DMD: variants seen among roughly 807,000 people sequenced by gnomAD.
DMD encodes dystrophin.
Under a neutral mutation model 330.1 loss-of-function variants are expected in DMD, and 63 were observed. That is an observed-to-expected ratio of 0.19 (90% CI 0.16 to 0.24). DMD has a LOEUF of 0.24. Ranked by LOEUF, DMD falls within the 10% of genes least tolerant of loss-of-function variation. The probability of loss-of-function intolerance (pLI) is 1.00; values close to 1 mark genes in which losing one functional copy is unlikely to be tolerated. For missense variants in DMD, 3,344 were observed against 2,684.1 expected (o/e 1.25, Z -5.43); for synonymous variants, 1,223 against 959.8 (o/e 1.27, Z -5.07).
At chrX:31,181,624 T>C (rs1031494804) in intron 68 of DMD, among the ~76,000 whole-genome samples, 3 of 112,086 alleles carry the variant, frequency 2.7e-5, no homozygotes, top group Non-Finnish European at 3.8e-5. Flanking sequence ...CTACTCACTG[T>C]TGTCTATCTA....
chrX:32,287,068 A>C lies in DMD; in HGVS notation c.6290+461T>G, dbSNP rs759319759. ...TTAACAAATTCCCCATGGCAAAAAAAAATGTGGGGGAGGGTAATGCAAAGT... is the reference window on the plus strand; with the variant it reads ...TTAACAAATTCCCCATGGCAAAAAACAATGTGGGGGAGGGTAATGCAAAGT... On this transcript the variant is annotated intron_variant, in intron 43 of 78. Coordinates refer to ENST00000357033, the MANE Select transcript of DMD (RefSeq NM_004006.3). Among the ~76,000 whole-genome samples, 12 of 111,439 alleles carry C rather than the reference A, an allele frequency of 1.1e-4. No homozygotes were observed. In the South Asian group the frequency reaches 1.1e-3, roughly 11 times the overall value.
At chrX:31,483,328 G>A (rs1439226196) in intron 57 of DMD, among the ~76,000 whole-genome samples, 2 of 111,315 alleles carry the variant, frequency 1.8e-5, no homozygotes, top group Non-Finnish European at 3.8e-5. Context: ...TTACAGGCGT[G>A]AGCCACCACG....
chrX:32,543,942 TC>T (rs2048727923), intron 17 of DMD, among the ~76,000 whole-genome samples: 1 of 112,507 alleles, frequency 8.9e-6, no homozygotes, highest in Admixed American at 9.4e-5. Context: ...TTGGCTGTGT[TC>T]CACTAAAACA....
At chrX:32,765,191 T>TC (rs202000517) in intron 7 of DMD, among the ~76,000 whole-genome samples, 6,845 of 110,692 alleles carry the variant, frequency 0.062, 549 homozygotes, top group African/African-American at 0.21. Flanking sequence ...GTGTCCCCAC[T>TC]CAAATCTCAT....
intron 44 of DMD, among the ~76,000 whole-genome samples, chrX:32,132,781 C>G (rs946851530): frequency 3.6e-5 from 4 of 110,452 alleles, no homozygotes; most frequent in Non-Finnish European, 7.5e-5. Flanking sequence ...CATTATACCA[C>G]TGAATTATTC....
intron 18 of DMD, among the ~76,000 whole-genome samples, chrX:32,503,714 C>T (rs1340379337): frequency 5.4e-5 from 6 of 110,198 alleles, no homozygotes; most frequent in African/African-American, 2.0e-4. Context: ...CACCACCACG[C>T]CCAGCTAATT....
chrX:32,370,219 G>GT lies in DMD; in HGVS notation c.4846-5021dup, dbSNP rs138937492. Reference sequence around the variant, plus strand: ...TAAGGTTTACCTTGAAAGTGGTAGTGTTTTTTTTTTTTTTTTTAAATTCTC... The same window carrying GT: ...TAAGGTTTACCTTGAAAGTGGTAGTGTTTTTTTTTTTTTTTTTTAAATTCTC... On this transcript the variant is annotated intron_variant, in intron 34 of 78. Transcript: ENST00000357033. Among the ~76,000 whole-genome samples, 858 of 95,406 alleles carry GT rather than the reference G, an allele frequency of 9.0e-3. 6 individuals are homozygous for GT. The highest frequency in any genetic ancestry group is 0.013 in the Non-Finnish European group (620 of 47,588). The allele number at this position is 95,406 out of a possible 115,157, so 82.8% of individuals were successfully genotyped here. A position where few individuals can be genotyped will look rare whatever the true frequency, so the allele number is the denominator to read the frequency against.
intron 18 of DMD, among the ~76,000 whole-genome samples, chrX:32,511,210 AC>A (rs1289464598): frequency 9.0e-6 from 1 of 110,669 alleles, no homozygotes; most frequent in Non-Finnish European, 1.9e-5. Context: ...TCACTACTGT[AC>A]AAAAAGTTAT....
intron 16 of DMD, among the ~76,000 whole-genome samples, chrX:32,549,451 T>C (rs1293534700): frequency 9.0e-6 from 1 of 111,392 alleles, no homozygotes; most frequent in African/African-American, 3.3e-5. Context: ...CAGGAAGCCC[T>C]TGTTTTCAGT....
chrX:33,253,059 A>T lies in DMD; in HGVS notation c.7+86200T>A, dbSNP rs373187298. 8.1e-5 allele frequency among the ~76,000 whole-genome samples: 9 copies of T among 111,629 alleles called. No individual in the cohort carries two copies. In the East Asian group the frequency reaches 2.2e-3, roughly 28 times the overall value. On this transcript the variant is annotated intron_variant, in intron 1 of 17. Coordinates refer to the DMD transcript ENST00000288447. ...CAAAGTAAAACTAAAAATATCGAAC[A>T]TCAAGAGAGTATCCATCTCCTAAGG...
intron 52 of DMD, among the ~76,000 whole-genome samples, chrX:31,695,953 T>C (rs1343370133): frequency 9.0e-6 from 1 of 111,424 alleles, no homozygotes; most frequent in Non-Finnish European, 1.9e-5. Flanking sequence ...AAATGAGAAG[T>C]ATTTGAGGTG....
At chrX:32,561,664 T>C (rs768601367) in intron 16 of DMD, among the ~76,000 whole-genome samples, 1 of 111,222 alleles carries the variant, frequency 9.0e-6, no homozygotes, top group East Asian at 2.9e-4. Context: ...AGATACTCAC[T>C]GAGCAGAAGC....
rs752922996 is a variant in DMD at position 31,126,691 on chromosome X, G to C, written c.11015-18C>G. The C allele has an allele frequency of 4.3e-6, 5 of 1,157,428 alleles. No individual in the cohort carries two copies. The highest frequency in any genetic ancestry group is 5.9e-6 in the Non-Finnish European group (5 of 849,059). Reference sequence around the variant, plus strand: ...ATTTCTTCCTTTAATAATAGAGAGAGGAAGAGGCAGAGATATCAGAAAGGG... The same window carrying C: ...ATTTCTTCCTTTAATAATAGAGAGACGAAGAGGCAGAGATATCAGAAAGGG... On this transcript the variant is annotated intron_variant, in intron 77 of 78. Transcript: ENST00000357033.
In DMD at chrX:32,699,286, A is replaced by T. The variant is rs771312947; in HGVS notation, c.657T>A (p.Asp219Glu). 59 of 1,201,407 alleles carry T rather than the reference A, an allele frequency of 4.9e-5. No homozygotes were observed. The East Asian group carries it at 1.8e-3, about 36-fold the overall frequency. ...TGGACTTCTTATCTGGATAGGTGGTATCAACATCTGTAAGCACATTAACAC... is the reference window on the plus strand; with the variant it reads ...TGGACTTCTTATCTGGATAGGTGGTTTCAACATCTGTAAGCACATTAACAC... ...IEKLLDPEDV[D>E]TTYPDKKSIL... The change falls in exon 8 of 79, where the codon GAT becomes GAA. Residue 219 changes from aspartate (D) to glutamate (E), a missense_variant. Asp to Glu is a conservative substitution (Grantham distance 45). Transcript: ENST00000357033.
rs1427367898 is a variant in DMD, at chrX:32,683,436, A to T, written c.960+14434T>A. On this transcript the variant is annotated intron_variant, in intron 9 of 78. Coordinates refer to ENST00000357033, the MANE Select transcript of DMD (RefSeq NM_004006.3). ...AGACTGGATTAAGAAAATGTGCCAC[A>T]TATACACCATGGAATACTATGCAGC... Among the ~76,000 whole-genome samples, 6 of 109,843 alleles carry T rather than the reference A, an allele frequency of 5.5e-5. No individual in the cohort carries two copies. In the Admixed American group the frequency reaches 5.9e-4, roughly 11 times the overall value.
chrX:32,225,786 C>T (rs2097145728), intron 43 of DMD, among the ~76,000 whole-genome samples: 1 of 109,601 alleles, frequency 9.1e-6, no homozygotes, highest in Non-Finnish European at 1.9e-5. Flanking sequence ...CTGCCTTCCA[C>T]CATGAGTAAA....
At chrX:31,707,399 A>G (rs2084278868) in intron 52 of DMD, among the ~76,000 whole-genome samples, 1 of 111,028 alleles carries the variant, frequency 9.0e-6, no homozygotes, top group South Asian at 3.8e-4. Flanking sequence ...TCACTTACTT[A>G]TAAGTGGGAG....
intron 2 of DMD, among the ~76,000 whole-genome samples, chrX:32,882,251 C>T (rs1434192917): frequency 9.0e-6 from 1 of 111,652 alleles, no homozygotes; most frequent in Non-Finnish European, 1.9e-5. Flanking sequence ...CTCAAGGGTT[C>T]TAAGTGTTAG....
chrX:32,875,368 T>C (rs1012905795), intron 2 of DMD, among the ~76,000 whole-genome samples: 18 of 112,112 alleles, frequency 1.6e-4, no homozygotes, highest in African/African-American at 5.9e-4. Context: ...TCCTCCAGCC[T>C]ACACTGCTAT....
Sources: gnomAD v4.1 joint callset for allele counts (sites outside exome capture counted in the v4.1 genomes callset) on GRCh38, gnomAD v4.1.1 for gene constraint, MANE v1.5 for transcripts, NCBI Gene and HGNC (gene_info 2026-07-23, HGNC 2026-07-21) for gene names.